Variants in FOXN3 observed in about 807,000 individuals in gnomAD.
FOXN3 encodes forkhead box protein N3.
Under a neutral mutation model 38.4 loss-of-function variants are expected in FOXN3, and 7 were observed. The observed-to-expected ratio is 0.18, with a 90% CI of 0.10 to 0.34. The LOEUF (loss-of-function observed/expected upper bound fraction) is 0.34. Ranked by LOEUF, FOXN3 falls within the 10% of genes least tolerant of loss-of-function variation. FOXN3 has a pLI of 1.00. For missense variants in FOXN3, 456 were observed against 613.4 expected, an observed-to-expected ratio of 0.74 and a Z score of 2.71; for synonymous variants, 230 against 242.2, an observed-to-expected ratio of 0.95 and a Z score of 0.47.
chr14:89,580,298 A>G (rs1895717815), intron 1 of FOXN3, among the ~76,000 whole-genome samples: 2 of 152,240 alleles, frequency 1.3e-5, no homozygotes. Flanking sequence ...ATTTCCTTCC[A>G]GATTACAAGG....
chr14:89,339,421 C>T (rs1004814420), intron 3 of FOXN3, among the ~76,000 whole-genome samples: 5 of 152,192 alleles, frequency 3.3e-5, no homozygotes, highest in Admixed American at 1.3e-4. Flanking sequence ...CTAAGATCTG[C>T]TCTGAGCCTG....
intron 1 of FOXN3, among the ~76,000 whole-genome samples, chr14:89,425,072 T>TTC (rs1555353153): frequency 1.4e-5 from 2 of 144,956 alleles, no homozygotes; most frequent in South Asian, 4.5e-4. Context: ...CTTTTTTTTT[T>TTC]TTTTTTTTTT....
At chr14:89,355,922 T>A (rs1380327811) in intron 2 of FOXN3, among the ~76,000 whole-genome samples, 2 of 151,780 alleles carry the variant, frequency 1.3e-5, no homozygotes, top group Non-Finnish European at 2.9e-5. Context: ...AGAACGGGGA[T>A]AAGGAGGCAG....
chr14:89,498,401 T>C (rs1893732092), intron 1 of FOXN3, among the ~76,000 whole-genome samples: 1 of 151,892 alleles, frequency 6.6e-6, no homozygotes, highest in Admixed American at 6.6e-5. Flanking sequence ...TTTTTTGTAT[T>C]TTTAGTAGAG....
intron 4 of FOXN3, among the ~76,000 whole-genome samples, chr14:89,272,746 G>A (rs1464918576): frequency 1.3e-5 from 2 of 152,110 alleles, no homozygotes; most frequent in African/African-American, 2.4e-5. Flanking sequence ...CCAGCTACTC[G>A]GGAGGCTGAG....
intron 1 of FOXN3, among the ~76,000 whole-genome samples, chr14:89,609,387 G>A (rs1896346518): frequency 6.6e-6 from 1 of 152,082 alleles, no homozygotes; most frequent in South Asian, 2.1e-4. Flanking sequence ...ATTTTTTGTA[G>A]AGATGGGGTT....
intron 2 of FOXN3, among the ~76,000 whole-genome samples, chr14:89,360,155 C>T (rs184809242): frequency 1.2e-3 from 181 of 152,184 alleles, no homozygotes; most frequent in African/African-American, 4.2e-3. Context: ...CGTTTCTGCC[C>T]CCACTGCACA....
chr14:89,223,275 G>A (rs904061527), intron 4 of FOXN3: 1 of 152,514 alleles, frequency 6.6e-6, no homozygotes, highest in Non-Finnish European at 1.5e-5. Context: ...GGCCTCCAGT[G>A]GGAAGAGCAC....
At chr14:89,170,224 T>C (rs943111808) in intron 5 of FOXN3, among the ~76,000 whole-genome samples, 1 of 152,170 alleles carries the variant, frequency 6.6e-6, no homozygotes, top group Non-Finnish European at 1.5e-5. Flanking sequence ...ATGTCTAAAA[T>C]TGAAAGAGGT....
chr14:89,209,336 G>A (rs143106400), intron 4 of FOXN3, among the ~76,000 whole-genome samples: 23 of 152,258 alleles, frequency 1.5e-4, no homozygotes, highest in Non-Finnish European at 2.8e-4. Context: ...TAACCCTGAC[G>A]AATGGCCAAT....
At chr14:89,584,019 C>A (rs1425349207) in intron 1 of FOXN3, among the ~76,000 whole-genome samples, 3 of 151,156 alleles carry the variant, frequency 2.0e-5, no homozygotes, top group East Asian at 2.0e-4. Flanking sequence ...ACCACCACAC[C>A]CAGCTAATTT....
At chr14:89,391,826 CA>C (rs1890956166) in intron 2 of FOXN3, among the ~76,000 whole-genome samples, 1 of 152,102 alleles carries the variant, frequency 6.6e-6, no homozygotes, top group Non-Finnish European at 1.5e-5. Flanking sequence ...GCAACATGGC[CA>C]AACCCCATCT....
chr14:89,363,955 T>TATATATATATATATATATATATA (rs1889997479), intron 2 of FOXN3, among the ~76,000 whole-genome samples: 1 of 5,438 alleles, frequency 1.8e-4, no homozygotes, highest in Admixed American at 6.0e-3. Context: ...AAAATATATA[T>TATATATATATATATATATATATA]ATATATATAT....
intron 4 of FOXN3, 112 bp downstream of exon 4, chr14:89,280,838 C>T (rs151099001): frequency 8.7e-4 from 689 of 791,322 alleles, no homozygotes; most frequent in Non-Finnish European, 1.2e-3. Context: ...CTCCAGAAAG[C>T]GGCCACTCCT....
intron 1 of FOXN3, among the ~76,000 whole-genome samples, chr14:89,466,859 T>TGGG (rs1263726563): frequency 6.6e-6 from 1 of 152,002 alleles, no homozygotes; most frequent in Admixed American, 6.6e-5. Flanking sequence ...TACGGCAAGG[T>TGGG]GGGGGCACAC....
At chr14:89,270,814 T>C (rs1886131627) in intron 4 of FOXN3, among the ~76,000 whole-genome samples, 1 of 152,032 alleles carries the variant, frequency 6.6e-6, no homozygotes, top group Non-Finnish European at 1.5e-5. Context: ...TTCTCCAAAA[T>C]CAGGTGGCAA....
chr14:89,551,453 C>CA (rs1275941119), intron 1 of FOXN3, among the ~76,000 whole-genome samples: 1 of 152,172 alleles, frequency 6.6e-6, no homozygotes, highest in Non-Finnish European at 1.5e-5. Flanking sequence ...TCCTTCCTCC[C>CA]AACACCACTA....
At position 89,555,882 on chromosome 14, in the gene FOXN3, G is replaced by GGGTGTGT. The variant is rs1895112160; in HGVS notation, c.-15+63145_-15+63146insACACACC. On this transcript the variant is annotated intron_variant, in intron 1 of 6. Transcript: ENST00000345097. ...GTGTGTGTGTGTGTGTGTGTATGTG[G>GGGTGTGT]GGGTGTATGTGGGGGTGTGTGTGTT... Among the ~76,000 whole-genome samples the GGGTGTGT allele has an allele frequency of 2.9e-5, 3 of 104,602 alleles. 1 individual carries two copies. Among genetic ancestry groups the GGGTGTGT allele is most frequent in the Non-Finnish European group, 6.1e-5 (3 of 49,348 alleles). The allele number at this position is 104,602 out of a possible 152,430, so 68.6% of individuals were successfully genotyped here. A position where few individuals can be genotyped will look rare whatever the true frequency, so the allele number is the denominator to read the frequency against.
intron 1 of FOXN3, among the ~76,000 whole-genome samples, chr14:89,540,962 G>C (rs954304217): frequency 6.6e-6 from 1 of 152,102 alleles, no homozygotes; most frequent in Non-Finnish European, 1.5e-5. Flanking sequence ...GGAACTGAAT[G>C]AATGAATGAA....
Sources: allele counts gnomAD v4.1 joint callset (sites outside exome capture counted in the v4.1 genomes callset), GRCh38; gene constraint gnomAD v4.1.1; transcripts MANE v1.5; gene names NCBI Gene and HGNC (gene_info 2026-07-23, HGNC 2026-07-21).